The following CCDC30 variants were observed in gnomAD, a reference collection of about 807,000 sequenced individuals.
The protein encoded by CCDC30 is coiled-coil domain-containing protein 30.
Under a neutral mutation model 100.2 loss-of-function variants are expected in CCDC30, and 70 were observed. The ratio of observed to expected loss-of-function variants is 0.70; its 90% CI spans 0.58 to 0.85. CCDC30 has a LOEUF of 0.85. Among genes scored for constraint, CCDC30 ranks in the 40% least tolerant of loss-of-function variants. The probability of loss-of-function intolerance (pLI) is 0.00; values close to 1 mark genes in which losing one functional copy is unlikely to be tolerated. For synonymous variants in CCDC30, 233 were observed against 269.5 expected, an observed-to-expected ratio of 0.86 and a Z score of 1.33; for missense variants, 652 against 771.2, an observed-to-expected ratio of 0.85 and a Z score of 1.83.
At chr1:42,605,740 G>A (rs1207106347) in intron 10 of CCDC30, among the ~76,000 whole-genome samples, 1 of 152,086 alleles carries the variant, frequency 6.6e-6, no homozygotes, top group Non-Finnish European at 1.5e-5. Context: ...ACCTGCCTCG[G>A]CCTCCCAAAA....
chr1:42,640,648 C>T lies in CCDC30; in HGVS notation c.1420-1825C>T, dbSNP rs191802860. Among the ~76,000 whole-genome samples the T allele has an allele frequency of 2.6e-5, 4 of 151,662 alleles. No homozygotes were observed. In the East Asian group the frequency reaches 7.7e-4, roughly 29 times the overall value. ...GTGGCTCATGCCTGTAATTCTAGCA[C>T]TTTGGGAGGCCGAGGTGGGTGCATC... On this transcript the variant is annotated intron_variant, in intron 12 of 16. Transcript: ENST00000668663.
chr1:42,636,965 CA>C (rs1166253995), intron 11 of CCDC30, among the ~76,000 whole-genome samples: 3,620 of 29,178 alleles, frequency 0.12, 12 homozygotes, highest in South Asian at 0.2. Flanking sequence ...GACTCCATCT[CA>C]AAAAAAAAAA....
At chr1:42,511,798 G>A (rs2148492283) in intron 6 of CCDC30, among the ~76,000 whole-genome samples, 1 of 152,272 alleles carries the variant, frequency 6.6e-6, no homozygotes, top group African/African-American at 2.4e-5. Flanking sequence ...ACCTTGAAAT[G>A]CCATGTGCTC....
At chr1:42,500,550 A>T (rs1269100584) in intron 6 of CCDC30, among the ~76,000 whole-genome samples, 1 of 151,950 alleles carries the variant, frequency 6.6e-6, no homozygotes, top group Admixed American at 6.6e-5. Context: ...AGTAGCTGGG[A>T]CTACAGGCAC....
chr1:42,492,794 C>T (rs1338072307), intron 4 of CCDC30, among the ~76,000 whole-genome samples: 2 of 151,974 alleles, frequency 1.3e-5, no homozygotes, highest in African/African-American at 4.8e-5. Context: ...TTACAGGAAA[C>T]TGCCACCATG....
At chr1:42,470,786 T>G (rs993741390) in intron 1 of CCDC30, among the ~76,000 whole-genome samples, 4 of 152,172 alleles carry the variant, frequency 2.6e-5, no homozygotes, top group African/African-American at 9.7e-5. Context: ...GAATAGAGAT[T>G]CCCAGGGCCT....
the CCDC30 span, chr1:42,456,538 T>A: frequency 1.4e-6 from 2 of 1,444,740 alleles, no homozygotes; most frequent in Non-Finnish European, 1.8e-6. Flanking sequence ...CCGCGAAACG[T>A]GCGCAGGCGC....
chr1:42,465,051 C>G (rs1260170439), intron 1 of CCDC30, among the ~76,000 whole-genome samples: 2 of 152,160 alleles, frequency 1.3e-5, no homozygotes, highest in Non-Finnish European at 2.9e-5. Context: ...AAGGGGCTTT[C>G]CTTTCCTTTC....
At chr1:42,567,585 C>T (rs1164515442) in intron 7 of CCDC30, among the ~76,000 whole-genome samples, 8 of 152,170 alleles carry the variant, frequency 5.3e-5, no homozygotes, top group Admixed American at 1.3e-4. Flanking sequence ...AAACCTCTTC[C>T]CTGTCCTCAC....
At chr1:42,502,647 A>G (rs72659929) in intron 6 of CCDC30, among the ~76,000 whole-genome samples, 20,651 of 152,086 alleles carry the variant, frequency 0.14, 1,521 homozygotes, top group East Asian at 0.18. Context: ...ATCCCCCAAG[A>G]GAGAAACTCT....
chr1:42,600,366 C>T (rs1468491587), intron 10 of CCDC30, among the ~76,000 whole-genome samples: 2 of 152,072 alleles, frequency 1.3e-5, no homozygotes, highest in East Asian at 1.9e-4. Context: ...TTTTAATACC[C>T]CTCTATCAGC....
At chr1:42,563,495 A>G (rs745859240) in intron 6 of CCDC30, among the ~76,000 whole-genome samples, 3 of 152,170 alleles carry the variant, frequency 2.0e-5, no homozygotes, top group Admixed American at 6.5e-5. Context: ...AGGATGGGTC[A>G]ATACGTGCAG....
chr1:42,553,618 T>G (rs1331942491), intron 6 of CCDC30, among the ~76,000 whole-genome samples: 1 of 147,498 alleles, frequency 6.8e-6, no homozygotes, highest in Non-Finnish European at 1.5e-5. Flanking sequence ...ATCGCCCCAC[T>G]GCACTCTAGC....
At chr1:42,626,622 CA>C (rs1646938677) in intron 11 of CCDC30, among the ~76,000 whole-genome samples, 1 of 152,040 alleles carries the variant, frequency 6.6e-6, no homozygotes, top group Admixed American at 6.6e-5. Flanking sequence ...CTTTATCTCC[CA>C]GAATTCCCAC....
chr1:42,563,646 C>T (rs534064693), intron 6 of CCDC30, among the ~76,000 whole-genome samples: 93 of 152,202 alleles, frequency 6.1e-4, no homozygotes, highest in African/African-American at 1.7e-3. Context: ...TTTGGGAGGC[C>T]AAGGCGGGTG....
At position 42,597,265 on chromosome 1, in the gene CCDC30, T is replaced by C. The variant is rs1415478963; in HGVS notation, c.1164+7782T>C. On this transcript the variant is annotated intron_variant, in intron 10 of 16. Coordinates refer to ENST00000668663, the Ensembl canonical transcript of CCDC30. The stretch of plus-strand genomic sequence containing the variant: ...GACATATTTGAAATAATAATCATGA[T>C]TGAGAATTTCCTGAGATTAATGACA... Among the ~76,000 whole-genome samples, 4 of 152,090 alleles carry C rather than the reference T, an allele frequency of 2.6e-5. No homozygotes were observed. The East Asian group carries it at 7.7e-4, about 29-fold the overall frequency.
intron 6 of CCDC30, among the ~76,000 whole-genome samples, chr1:42,516,898 G>A (rs572367707): frequency 1.3e-5 from 2 of 152,182 alleles, no homozygotes; most frequent in African/African-American, 4.8e-5. Context: ...GTGTTTATTA[G>A]TCATTTGTTT....
At chr1:42,519,214 G>T (rs4660640) in intron 6 of CCDC30, among the ~76,000 whole-genome samples, 19,691 of 152,164 alleles carry the variant, frequency 0.13, 1,476 homozygotes, top group East Asian at 0.18. Context: ...TTTCATCAAC[G>T]TTCTTAAGGG....
intron 15 of CCDC30, among the ~76,000 whole-genome samples, chr1:42,647,495 T>C (rs1647982698): frequency 6.6e-6 from 1 of 152,196 alleles, no homozygotes; most frequent in African/African-American, 2.4e-5. Flanking sequence ...TAGTGGGGAC[T>C]TTAACACCCA....
Sources: gnomAD v4.1 joint callset for allele counts (sites outside exome capture counted in the v4.1 genomes callset) on GRCh38, gnomAD v4.1.1 for gene constraint, MANE v1.5 for transcripts, NCBI Gene and HGNC (gene_info 2026-07-23, HGNC 2026-07-21) for gene names.